Variants in PPARGC1A observed in about 807,000 individuals in gnomAD.
PPARGC1A encodes PPARG coactivator 1 alpha.
Under a neutral mutation model 88.7 loss-of-function variants are expected in PPARGC1A, and 25 were observed. The ratio of observed to expected loss-of-function variants is 0.28; its 90% CI spans 0.21 to 0.39. PPARGC1A has a LOEUF of 0.39. Among genes scored for constraint, PPARGC1A ranks in the 10% least tolerant of loss-of-function variants. The pLI, the probability that PPARGC1A is intolerant of heterozygous loss-of-function variation, is 1.00. For missense variants in PPARGC1A, 880 were observed against 968.7 expected (o/e 0.91, Z 1.22); for synonymous variants, 363 against 355.6 (o/e 1.02, Z -0.24).
the PPARGC1A span, among the ~76,000 whole-genome samples, chr4:24,396,888 G>A: frequency 6.6e-6 from 1 of 152,156 alleles, no homozygotes; most frequent in South Asian, 2.1e-4. Flanking sequence ...CTTTTGGTGT[G>A]ATGAGGAGAG....
chr4:24,014,335 C>G, the PPARGC1A span, among the ~76,000 whole-genome samples: 93 of 152,268 alleles, frequency 6.1e-4, 2 homozygotes, highest in East Asian at 0.014. Context: ...AGGAGGCAGG[C>G]GGCAGCAGGC....
At chr4:23,924,936 G>A in the PPARGC1A span, among the ~76,000 whole-genome samples, 1 of 152,124 alleles carries the variant, frequency 6.6e-6, no homozygotes, top group African/African-American at 2.4e-5. Context: ...TGGATTCATG[G>A]TGCATAAGAT....
the PPARGC1A span, among the ~76,000 whole-genome samples, chr4:24,404,872 T>A: frequency 6.6e-6 from 1 of 152,214 alleles, no homozygotes; most frequent in African/African-American, 2.4e-5. Context: ...ACTGCAGCTT[T>A]TTCCCTCCTG....
chr4:23,802,089 A>T, intron 11 of PPARGC1A, 135 bp downstream of exon 11: 2 of 1,362,400 alleles, frequency 1.5e-6, no homozygotes, highest in Non-Finnish European at 2.0e-6. Flanking sequence ...GATGAAAGAA[A>T]ATAAATAAGG....
chr4:24,278,911 TACTC>T, the PPARGC1A span, among the ~76,000 whole-genome samples: 1 of 152,176 alleles, frequency 6.6e-6, no homozygotes, highest in Admixed American at 6.5e-5. Flanking sequence ...AGGTCACTCT[TACTC>T]ACCAGAAAGT....
chr4:24,393,282 A>G, the PPARGC1A span, among the ~76,000 whole-genome samples: 5 of 152,210 alleles, frequency 3.3e-5, no homozygotes, highest in African/African-American at 1.2e-4. Flanking sequence ...GCATGAAATA[A>G]TTGTGAACAT....
At chr4:23,848,334 G>A (rs1047002006) in intron 2 of PPARGC1A, among the ~76,000 whole-genome samples, 9 of 152,110 alleles carry the variant, frequency 5.9e-5, no homozygotes, top group Non-Finnish European at 1.2e-4. Flanking sequence ...TAAAAACAAT[G>A]ACAGCATTGG....
the PPARGC1A span, among the ~76,000 whole-genome samples, chr4:24,376,095 C>A: frequency 6.6e-6 from 1 of 151,750 alleles, no homozygotes; most frequent in East Asian, 1.9e-4. Flanking sequence ...GAACACCTAA[C>A]AGCCCATACA....
At chr4:24,161,811 C>T in the PPARGC1A span, among the ~76,000 whole-genome samples, 1 of 152,016 alleles carries the variant, frequency 6.6e-6, no homozygotes, top group Non-Finnish European at 1.5e-5. Context: ...CAGAGGTAAC[C>T]AAAGGTGATA....
the PPARGC1A span, among the ~76,000 whole-genome samples, chr4:24,351,533 G>A: frequency 9.9e-5 from 15 of 152,056 alleles, no homozygotes; most frequent in African/African-American, 3.1e-4. Context: ...TTGACTACAC[G>A]TGTTCTGCTT....
At chr4:24,189,958 G>C in the PPARGC1A span, among the ~76,000 whole-genome samples, 2 of 152,078 alleles carry the variant, frequency 1.3e-5, no homozygotes, top group African/African-American at 4.8e-5. Flanking sequence ...GCCACTTCCT[G>C]CTAGCTTACA....
the PPARGC1A span, among the ~76,000 whole-genome samples, chr4:24,066,849 GTTTTTTT>G: frequency 7.4e-3 from 743 of 100,898 alleles, 10 homozygotes; most frequent in African/African-American, 0.029. Flanking sequence ...TTTGTTTTGG[GTTTTTTT>G]TTTTTTTTTT....
At chr4:24,395,112 T>A in the PPARGC1A span, among the ~76,000 whole-genome samples, 6 of 152,340 alleles carry the variant, frequency 3.9e-5, no homozygotes, top group African/African-American at 7.2e-5. Context: ...CTTAGACGAA[T>A]AACAAACTTC....
chr4:24,349,603 C>T, the PPARGC1A span, among the ~76,000 whole-genome samples: 1 of 152,090 alleles, frequency 6.6e-6, no homozygotes, highest in African/African-American at 2.4e-5. Context: ...AGTCACAGGC[C>T]TCACCCAGCT....
chr4:24,385,000 A>T, the PPARGC1A span, among the ~76,000 whole-genome samples: 1 of 152,196 alleles, frequency 6.6e-6, no homozygotes, highest in African/African-American at 2.4e-5. Context: ...GAAGTACAAC[A>T]TGCCTCAGCA....
the PPARGC1A span, among the ~76,000 whole-genome samples, chr4:23,973,309 C>G: frequency 5.3e-5 from 8 of 152,338 alleles, no homozygotes; most frequent in African/African-American, 1.4e-4. Context: ...CTGGTCTTGG[C>G]TCTCCAAAGG....
At chr4:23,853,740 T>C (rs1201088228) in intron 2 of PPARGC1A, among the ~76,000 whole-genome samples, 3 of 152,180 alleles carry the variant, frequency 2.0e-5, no homozygotes, top group Non-Finnish European at 4.4e-5. Flanking sequence ...TAGAAAACTA[T>C]CTGATAAAAC....
At chr4:23,906,184 C>A (rs1300195613), upstream of PPARGC1A, among the ~76,000 whole-genome samples, 2 of 152,078 alleles carry the variant, frequency 1.3e-5, no homozygotes, top group African/African-American at 4.8e-5. Context: ...TGAAGCACAC[C>A]CCCAAGGAGA....
chr4:24,040,018 T>C, the PPARGC1A span, among the ~76,000 whole-genome samples: 20 of 152,310 alleles, frequency 1.3e-4, no homozygotes, highest in African/African-American at 4.3e-4. Context: ...CCAGGATATC[T>C]CCACATCCCA....
Sources: allele counts gnomAD v4.1 joint callset (sites outside exome capture counted in the v4.1 genomes callset), GRCh38; gene constraint gnomAD v4.1.1; transcripts MANE v1.5; gene names NCBI Gene and HGNC (gene_info 2026-07-23, HGNC 2026-07-21).